Variants in NTRK2 observed in about 807,000 individuals in gnomAD.
NTRK2 encodes the protein BDNF/NT-3 growth factors receptor.
In NTRK2, 13 loss-of-function variants were observed where a neutral mutation model predicts 94.5. That is an observed-to-expected ratio of 0.14 (90% CI 0.09 to 0.22). NTRK2 has a LOEUF of 0.22. NTRK2 is among the 10% of genes least tolerant of loss of function. The pLI, the probability that NTRK2 is intolerant of heterozygous loss-of-function variation, is 1.00. For missense variants in NTRK2, 639 were observed against 1,071.2 expected (o/e 0.60, Z 5.63); for synonymous variants, 372 against 407.4 (o/e 0.91, Z 1.05).
rs181879523 is a variant in NTRK2 at position 84,732,628 on chromosome 9, C to T, written c.1159+4669C>T. 1.3e-3 allele frequency among the ~76,000 whole-genome samples: 195 copies of T among 152,274 alleles called. 1 individual carries two copies. Among genetic ancestry groups the T allele is most frequent in the Admixed American group, 2.2e-3 (34 of 15,298 alleles). On this transcript the variant is annotated intron_variant, in intron 9 of 18. Coordinates refer to ENST00000277120, the MANE Select transcript of NTRK2 (RefSeq NM_006180.6). Reference sequence around the variant, plus strand: ...GAAATGAAAACTCTGGATTTGAGCTCGTGGCCAGTCTCCTGTCCTCCCCAA... The same window carrying T: ...GAAATGAAAACTCTGGATTTGAGCTTGTGGCCAGTCTCCTGTCCTCCCCAA...
At chr9:84,749,951 T>C (rs1050709779) in intron 11 of NTRK2, among the ~76,000 whole-genome samples, 1 of 152,182 alleles carries the variant, frequency 6.6e-6, no homozygotes, top group South Asian at 2.1e-4. Context: ...CTTGCTTCAT[T>C]TCGTGTATTG....
At chr9:84,872,065 A>T in intron 14 of NTRK2, 1 of 1,379,052 alleles carries the variant, frequency 7.3e-7, no homozygotes, top group Non-Finnish European at 9.4e-7. Flanking sequence ...CTCCTCGATC[A>T]ATCAGGATGG....
intron 12 of NTRK2, among the ~76,000 whole-genome samples, chr9:84,770,535 G>A (rs899630216): frequency 4.6e-5 from 7 of 152,112 alleles, no homozygotes; most frequent in Non-Finnish European, 7.4e-5. Context: ...TGAGGAACTG[G>A]CCAAAGACAG....
intron 14 of NTRK2, among the ~76,000 whole-genome samples, chr9:84,925,916 G>T (rs1184343710): frequency 6.6e-6 from 1 of 152,196 alleles, no homozygotes; most frequent in Non-Finnish European, 1.5e-5. Flanking sequence ...AATGCCTGTG[G>T]AGTGTGTGAG....
intron 12 of NTRK2, among the ~76,000 whole-genome samples, chr9:84,767,910 T>C (rs2066186656): frequency 2.6e-5 from 4 of 152,216 alleles, no homozygotes; most frequent in Non-Finnish European, 5.9e-5. Flanking sequence ...CCTAAAATGC[T>C]TATGGGTTAG....
chr9:84,780,053 T>C (rs2067417039), intron 12 of NTRK2, among the ~76,000 whole-genome samples: 1 of 152,026 alleles, frequency 6.6e-6, no homozygotes, highest in Admixed American at 6.6e-5. Flanking sequence ...GGTTTTTTTT[T>C]TCCTTAAAAA....
intron 14 of NTRK2, among the ~76,000 whole-genome samples, chr9:84,894,239 T>C (rs2076690888): frequency 3.8e-5 from 5 of 132,284 alleles, no homozygotes; most frequent in African/African-American, 1.4e-4. Flanking sequence ...CCCCATAGTC[T>C]TGAATGTATT....
At chr9:84,931,406 C>CAA (rs10559170) in intron 14 of NTRK2, among the ~76,000 whole-genome samples, 11 of 125,930 alleles carry the variant, frequency 8.7e-5, no homozygotes, top group South Asian at 2.6e-4. Context: ...GACTCTGTCT[C>CAA]AAAAAAAAAA....
chr9:84,829,654 G>C (rs1002412107), intron 12 of NTRK2, among the ~76,000 whole-genome samples: 1 of 152,180 alleles, frequency 6.6e-6, no homozygotes, highest in African/African-American at 2.4e-5. Flanking sequence ...CCACCCGGGA[G>C]AGGACACAGT....
chr9:84,794,703 G>A (rs1294205509), intron 12 of NTRK2, among the ~76,000 whole-genome samples: 1 of 152,116 alleles, frequency 6.6e-6, no homozygotes, highest in Non-Finnish European at 1.5e-5. Context: ...TGGTAGAGGG[G>A]CATATAGTCA....
At chr9:84,864,272 C>G (rs549675471) in intron 13 of NTRK2, among the ~76,000 whole-genome samples, 2 of 152,076 alleles carry the variant, frequency 1.3e-5, no homozygotes, top group African/African-American at 4.8e-5. Flanking sequence ...TGCTGGATCT[C>G]TGACAGCACG....
chr9:84,858,018 G>A (rs1376285583), intron 12 of NTRK2, among the ~76,000 whole-genome samples: 2 of 152,144 alleles, frequency 1.3e-5, no homozygotes, highest in African/African-American at 4.8e-5. Context: ...TCTGTGGGCA[G>A]CATAACCACA....
chr9:84,887,621 C>A (rs1487193729), intron 14 of NTRK2, among the ~76,000 whole-genome samples: 1 of 152,202 alleles, frequency 6.6e-6, no homozygotes, highest in African/African-American at 2.4e-5. Flanking sequence ...CTTCATGCAG[C>A]AAGACCAAAT....
rs985913552 is a variant in NTRK2 at position 84,724,452 on chromosome 9, T to C, written c.853+96T>C. On this transcript the variant is annotated intron_variant, in intron 8 of 18. Transcript: ENST00000277120. Reference sequence around the variant, plus strand: ...CACTCTGGGTGCTGCTTAAATTTGTTAAAAAAAGTATATGCAGTGTTTTGT... The same window carrying C: ...CACTCTGGGTGCTGCTTAAATTTGTCAAAAAAAGTATATGCAGTGTTTTGT... 2.8e-6 allele frequency: 4 copies of C among 1,429,536 alleles called. No individual in the cohort carries two copies. In the African/African-American group the frequency reaches 5.6e-5, roughly 20 times the overall value. The allele number at this position is 1,429,536 out of a possible 1,614,324, so 88.6% of individuals were successfully genotyped here. A position where few individuals can be genotyped will look rare whatever the true frequency, so the allele number is the denominator to read the frequency against.
intron 15 of NTRK2, among the ~76,000 whole-genome samples, chr9:84,944,209 T>TCACACA (rs1482521508): frequency 7.1e-5 from 10 of 140,298 alleles, no homozygotes; most frequent in African/African-American, 2.0e-4. Flanking sequence ...TCTCTCTCTC[T>TCACACA]CTCTCTCACA....
At chr9:84,967,290 G>T (rs1204510295) in intron 17 of NTRK2, among the ~76,000 whole-genome samples, 1 of 152,200 alleles carries the variant, frequency 6.6e-6, no homozygotes, top group African/African-American at 2.4e-5. Context: ...TCTCCACAAG[G>T]AGCTGGGGCT....
At chr9:84,702,575 A>AT (rs2060799241) in intron 4 of NTRK2, among the ~76,000 whole-genome samples, 156 bp downstream of exon 4, 1 of 152,202 alleles carries the variant, frequency 6.6e-6, no homozygotes, top group South Asian at 2.1e-4. Flanking sequence ...ATTTTGTTTG[A>AT]TTTTTTGAAT....
chr9:84,981,648 G>A (rs932586012), intron 17 of NTRK2, among the ~76,000 whole-genome samples: 3 of 152,074 alleles, frequency 2.0e-5, no homozygotes, highest in African/African-American at 7.2e-5. Context: ...GAAAAGGTAT[G>A]ATACTTACAT....
rs112755022 is a variant in NTRK2 at position 84,809,899 on chromosome 9, A to G, written c.1397-51141A>G. 1.0e-3 allele frequency among the ~76,000 whole-genome samples: 154 copies of G among 148,742 alleles called. No individual in the cohort carries two copies. The Middle Eastern group carries it at 0.02, about 20-fold the overall frequency. On this transcript the variant is annotated intron_variant, in intron 12 of 18. Coordinates refer to ENST00000277120, the MANE Select transcript of NTRK2 (RefSeq NM_006180.6). ...TCTGTCTGGAAAAAAAAAAAAAAAAAAAAGAAAGAAGAGAGAAGAATCTAA... is the reference window on the plus strand; with the variant it reads ...TCTGTCTGGAAAAAAAAAAAAAAAAGAAAGAAAGAAGAGAGAAGAATCTAA...
Sources: allele counts gnomAD v4.1 joint callset (sites outside exome capture counted in the v4.1 genomes callset), GRCh38; gene constraint gnomAD v4.1.1; transcripts MANE v1.5; gene names NCBI Gene and HGNC (gene_info 2026-07-23, HGNC 2026-07-21).